Variants in ANKRD55 observed in about 807,000 individuals in gnomAD.
ANKRD55 encodes the protein ankyrin repeat domain-containing protein 55.
ANKRD55 carries 41 observed loss-of-function variants against 60.6 expected under a neutral mutation model. That is an observed-to-expected ratio of 0.68 (90% CI 0.53 to 0.88). The LOEUF is 0.88. ANKRD55 is among the 40% of genes least tolerant of loss of function. The pLI, the probability that ANKRD55 is intolerant of heterozygous loss-of-function variation, is 0.00. For synonymous variants in ANKRD55, 264 were observed against 290.3 expected (o/e 0.91, Z 0.92); for missense variants, 732 against 767.6 (o/e 0.95, Z 0.55).
In ANKRD55 at chr5:56,176,292, G is replaced by C; in HGVS notation, c.182-10C>G. The C allele has an allele frequency of 6.2e-7, 1 of 1,614,160 alleles. No individual in the cohort carries two copies. The highest frequency in any genetic ancestry group is 8.5e-7 in the Non-Finnish European group (1 of 1,180,010). ...ATCAAGGGCGTGCATCCTGGAATGA[G>C]ACATTTCAACAGCCTTTAAACATGT... is the stretch of plus-strand genomic sequence containing the variant. On this transcript the variant is annotated splice_polypyrimidine_tract_variant and intron_variant, in intron 3 of 11. Transcript: ENST00000341048.
intron 3 of ANKRD55, among the ~76,000 whole-genome samples, chr5:56,179,407 T>C (rs1029675072): frequency 2.0e-5 from 3 of 152,236 alleles, no homozygotes; most frequent in Middle Eastern, 6.8e-3. Context: ...TAGCGGTTAG[T>C]TATTTTAGAG....
At chr5:56,135,288 C>CTGCT (rs760579731) in intron 7 of ANKRD55, among the ~76,000 whole-genome samples, 951 of 93,024 alleles carry the variant, frequency 0.01, 40 homozygotes, top group East Asian at 0.023. Flanking sequence ...CCCTGCCTGC[C>CTGCT]TGCTTGCTTT....
intron 9 of ANKRD55, among the ~76,000 whole-genome samples, chr5:56,112,512 A>AAAAAAAAAAAC (rs1756760319): frequency 9.0e-6 from 1 of 111,442 alleles, no homozygotes; most frequent in Non-Finnish European, 1.8e-5. Flanking sequence ...AGCAAAAAAA[A>AAAAAAAAAAAC]AAAAAAAAAA....
chr5:56,137,256 A>T, intron 7 of ANKRD55: 1 of 1,603,782 alleles, frequency 6.2e-7, no homozygotes, highest in Non-Finnish European at 8.5e-7. Context: ...TTTGCTGCAC[A>T]TGCTTAAAAA....
intron 7 of ANKRD55, among the ~76,000 whole-genome samples, chr5:56,129,553 C>T (rs1757355484): frequency 1.3e-5 from 2 of 151,932 alleles, no homozygotes; most frequent in African/African-American, 4.8e-5. Context: ...AGAAGAAAGT[C>T]GAGTTAATGT....
At chr5:56,177,015 T>A (rs1277503351) in intron 3 of ANKRD55, among the ~76,000 whole-genome samples, 1 of 152,162 alleles carries the variant, frequency 6.6e-6, no homozygotes, top group Non-Finnish European at 1.5e-5. Flanking sequence ...CTTCTCCAGA[T>A]GAACTGCAAG....
intron 2 of ANKRD55, among the ~76,000 whole-genome samples, chr5:56,214,697 G>A (rs1581026797): frequency 7.1e-6 from 1 of 140,620 alleles, no homozygotes; most frequent in Non-Finnish European, 1.6e-5. Flanking sequence ...TGAAGGTGCT[G>A]GGTTATATAT....
chr5:56,180,682 C>A (rs922473463), intron 3 of ANKRD55, among the ~76,000 whole-genome samples: 16 of 152,098 alleles, frequency 1.1e-4, no homozygotes, highest in Admixed American at 5.9e-4. Context: ...TGTATTTGCA[C>A]CTAAATGTTT....
chr5:56,190,904 C>G (rs1759079194), intron 2 of ANKRD55, among the ~76,000 whole-genome samples: 1 of 152,242 alleles, frequency 6.6e-6, no homozygotes, highest in South Asian at 2.1e-4. Context: ...CCTCTTAATA[C>G]TGGTACAATG....
chr5:56,214,829 C>T (rs4700060), intron 2 of ANKRD55, among the ~76,000 whole-genome samples: 13,400 of 152,268 alleles, frequency 0.088, 820 homozygotes, highest in Admixed American at 0.14. Flanking sequence ...CTCAACTCCA[C>T]TGTATATTCA....
At chr5:56,164,767 A>G (rs1251186781) in intron 5 of ANKRD55, among the ~76,000 whole-genome samples, 1 of 152,196 alleles carries the variant, frequency 6.6e-6, no homozygotes, top group Admixed American at 6.5e-5. Context: ...TGAAAGGGGG[A>G]AAACTTGGAC....
chr5:56,130,835 G>C (rs756838306), intron 7 of ANKRD55, among the ~76,000 whole-genome samples: 13 of 152,192 alleles, frequency 8.5e-5, no homozygotes, highest in Non-Finnish European at 1.6e-4. Flanking sequence ...CACTGTAATG[G>C]AAATGAAGAA....
intron 8 of ANKRD55, among the ~76,000 whole-genome samples, chr5:56,122,725 T>A (rs1490042342): frequency 1.3e-5 from 2 of 151,740 alleles, no homozygotes; most frequent in Non-Finnish European, 2.9e-5. Context: ...ATGTTCTGAT[T>A]TTTTTCTGGG....
chr5:56,122,582 C>G (rs1757099706), intron 8 of ANKRD55, among the ~76,000 whole-genome samples: 1 of 151,928 alleles, frequency 6.6e-6, no homozygotes, highest in African/African-American at 2.4e-5. Flanking sequence ...TCGCTTGAAC[C>G]AGGGAGGTGG....
chr5:56,137,158 G>A, intron 7 of ANKRD55: 1 of 1,461,140 alleles, frequency 6.8e-7, no homozygotes, highest in Non-Finnish European at 9.6e-7. Flanking sequence ...GTACCATTGT[G>A]ACGTTACAGT....
intron 3 of ANKRD55, among the ~76,000 whole-genome samples, chr5:56,181,777 ACGGGGTTTCAC>A (rs1026107147): frequency 3.3e-5 from 5 of 152,092 alleles, no homozygotes; most frequent in Admixed American, 3.3e-4. Flanking sequence ...TTTAGTAGAG[ACGGGGTTTCAC>A]CGTGTTGGCC....
At chr5:56,121,502 A>T (rs1757056630) in intron 8 of ANKRD55, among the ~76,000 whole-genome samples, 1 of 151,366 alleles carries the variant, frequency 6.6e-6, no homozygotes, top group African/African-American at 2.4e-5. Flanking sequence ...CCTCCCGAGT[A>T]GCTGGGACTA....
intron 7 of ANKRD55, among the ~76,000 whole-genome samples, chr5:56,141,885 C>A (rs1010210836): frequency 7.2e-5 from 11 of 152,194 alleles, no homozygotes; most frequent in Non-Finnish European, 1.6e-4. Flanking sequence ...TCTGACCATG[C>A]ATACCCTTAT....
At chr5:56,139,705 G>A (rs750044008) in intron 7 of ANKRD55, among the ~76,000 whole-genome samples, 1 of 152,200 alleles carries the variant, frequency 6.6e-6, no homozygotes, top group Non-Finnish European at 1.5e-5. Context: ...GACCAACAGT[G>A]ACCGTAATTG....
Sources: gnomAD v4.1 joint callset for allele counts (sites outside exome capture counted in the v4.1 genomes callset) on GRCh38, gnomAD v4.1.1 for gene constraint, MANE v1.5 for transcripts, NCBI Gene and HGNC (gene_info 2026-07-23, HGNC 2026-07-21) for gene names.